MYLK: variants seen among roughly 807,000 people sequenced by gnomAD.
The protein encoded by MYLK is myosin light chain kinase.
In MYLK, 106 loss-of-function variants were observed where a neutral mutation model predicts 203.4. The observed-to-expected ratio is 0.52, with a 90% CI of 0.45 to 0.61. The LOEUF is 0.61. Among genes scored for constraint, MYLK ranks in the 20% least tolerant of loss-of-function variants. The pLI is 0.00. For missense variants in MYLK, 2,072 were observed against 2,442.3 expected, an observed-to-expected ratio of 0.85 and a Z score of 3.20; for synonymous variants, 867 against 959.5, an observed-to-expected ratio of 0.90 and a Z score of 1.78.
At chr3:123,837,730 A>G (rs2066508050) in intron 2 of MYLK, among the ~76,000 whole-genome samples, 1 of 151,740 alleles carries the variant, frequency 6.6e-6, no homozygotes, top group Non-Finnish European at 1.5e-5. Context: ...AGGTTTCCCA[A>G]CCCTAGGCAA....
chr3:123,647,721 AT>A (rs36091148), intron 26 of MYLK, among the ~76,000 whole-genome samples: 465 of 145,104 alleles, frequency 3.2e-3, no homozygotes, highest in Middle Eastern at 7.2e-3. Context: ...ATCTTTAAAC[AT>A]TTTTTTTTTT....
intron 24 of MYLK, among the ~76,000 whole-genome samples, chr3:123,650,085 G>A (rs1210290699): frequency 6.6e-6 from 1 of 152,176 alleles, no homozygotes; most frequent in Non-Finnish European, 1.5e-5. Context: ...AGCACAGCAC[G>A]CCCACTTCAG....
intron 3 of MYLK, among the ~76,000 whole-genome samples, chr3:123,812,424 T>C (rs1318657209): frequency 6.6e-6 from 1 of 152,204 alleles, no homozygotes; most frequent in Non-Finnish European, 1.5e-5. Context: ...CATTAGCCCA[T>C]GCTTGCTCAG....
intron 20 of MYLK, among the ~76,000 whole-genome samples, chr3:123,677,914 T>C (rs1485931961): frequency 9.7e-6 from 1 of 103,264 alleles, no homozygotes; most frequent in African/African-American, 3.8e-5. Context: ...TATATATATA[T>C]ATATACACAC....
At position 123,623,935 on chromosome 3, in the gene MYLK, A is replaced by G. The variant is rs1037653480; in HGVS notation, c.5238+2883T>C. 2.6e-5 allele frequency: 4 copies of G among 152,292 alleles called. No individual in the cohort carries two copies. In the East Asian group the frequency reaches 7.7e-4, roughly 29 times the overall value. The allele number at this position is 152,292 out of a possible 1,614,324, so 9.4% of individuals were successfully genotyped here. On this transcript the variant is annotated intron_variant, in intron 31 of 33. Transcript: ENST00000360304. ...ATTTCCAAATGTCGCCATCTATACT[A>G]AAATATAAAATTAAGGTTCATTCTC...
chr3:123,879,026 A>G (rs770477927), intron 1 of MYLK, among the ~76,000 whole-genome samples: 12 of 152,158 alleles, frequency 7.9e-5, no homozygotes, highest in Non-Finnish European at 1.8e-4. Flanking sequence ...CTTCAGTCCA[A>G]TGCAAAGGTC....
At chr3:123,832,723 C>T (rs13323608) in intron 2 of MYLK, among the ~76,000 whole-genome samples, 1,965 of 152,200 alleles carry the variant, frequency 0.013, 45 homozygotes, top group African/African-American at 0.045. Context: ...AGCAACTTGG[C>T]ACCATCTTGG....
At chr3:123,663,682 C>G (rs916139039) in intron 23 of MYLK, among the ~76,000 whole-genome samples, 3 of 151,950 alleles carry the variant, frequency 2.0e-5, no homozygotes, top group Admixed American at 2.0e-4. Flanking sequence ...TTGGTGGGAC[C>G]AAGGTGGGCC....
chr3:123,748,894 C>T (rs2063103519), intron 5 of MYLK, among the ~76,000 whole-genome samples: 1 of 152,048 alleles, frequency 6.6e-6, no homozygotes, highest in Admixed American at 6.6e-5. Flanking sequence ...CATGGTGAGG[C>T]CCCATCTCTA....
chr3:123,700,728 C>G lies in MYLK; in HGVS notation c.2740G>C (p.Asp914His), dbSNP rs561148360. 1 of 1,614,158 alleles carries G rather than the reference C, an allele frequency of 6.2e-7. No homozygotes were observed. The highest frequency in any genetic ancestry group is 8.5e-7 in the Non-Finnish European group (1 of 1,180,038). Residue 914 changes from aspartate to histidine, a missense_variant, in exon 18 of 34, where the codon GAC becomes CAC. Physicochemically the swap from Asp to His is moderately conservative, Grantham distance 81 (BLOSUM62 -1). This residue lies in a region of MYLK where 865 missense variants were observed against 1,016.0 expected (regional missense o/e 0.85). Coordinates refer to ENST00000360304, the MANE Select transcript of MYLK (RefSeq NM_053025.4). Reference sequence around the variant, plus strand: ...TGCTCGGCTGGGATCTCCTTCAGGTCGTCTTCCGATAGGGTCTTTGTACTC... The same window carrying G: ...TGCTCGGCTGGGATCTCCTTCAGGTGGTCTTCCGATAGGGTCTTTGTACTC... ...KVSTKTLSEDDLKEIPAEQMD... is the reference protein window; with the variant it reads ...KVSTKTLSEDHLKEIPAEQMD...
rs148587624 is a variant in MYLK, at chr3:123,776,708, T to G, written c.165+16969A>C. On this transcript the variant is annotated intron_variant, in intron 4 of 33. Transcript: ENST00000360304. The stretch of plus-strand genomic sequence containing the variant: ...GACTAAAAGTTACTGAGCACTTATA[T>G]TACATATGCAGCAAAGATATTTCAC... Among the ~76,000 whole-genome samples the G allele has an allele frequency of 6.2e-4, 95 of 152,366 alleles. No homozygotes were observed. The Middle Eastern group carries it at 0.01, about 16-fold the overall frequency.
chr3:123,705,202 A>C (rs1320362266), intron 16 of MYLK, among the ~76,000 whole-genome samples: 1 of 151,572 alleles, frequency 6.6e-6, no homozygotes. Context: ...CTCTACGTCT[A>C]GGTTGCTGGA....
At chr3:123,721,127 G>A (rs1330010013) in intron 13 of MYLK, among the ~76,000 whole-genome samples, 3 of 152,206 alleles carry the variant, frequency 2.0e-5, no homozygotes, top group African/African-American at 7.2e-5. Context: ...ATTTAACACA[G>A]TAAGCCACAA....
rs1426123496 is a variant in MYLK, at chr3:123,612,965, A to G, written c.*1140T>C. ...TAGTGAAAGAAAGTTAAAAATTCCT[A>G]AAGACGCAAGTCTGAGTGCATTTAC... is the stretch of plus-strand genomic sequence containing the variant. On this transcript the variant is annotated 3_prime_UTR_variant, in exon 34 of 34. Coordinates refer to ENST00000360304, the MANE Select transcript of MYLK (RefSeq NM_053025.4). The G allele has an allele frequency of 6.5e-6, 1 of 152,674 alleles. No individual in the cohort carries two copies. The highest frequency in any genetic ancestry group is 2.4e-5 in the African/African-American group (1 of 41,458). 9.5% of individuals were successfully genotyped at this position (152,674 alleles called of 1,614,324 possible). A position where few individuals can be genotyped will look rare whatever the true frequency, so the allele number is the denominator to read the frequency against.
chr3:123,845,760 C>T (rs921156096), intron 2 of MYLK, among the ~76,000 whole-genome samples: 1 of 152,136 alleles, frequency 6.6e-6, no homozygotes, highest in Non-Finnish European at 1.5e-5. Context: ...CTCAAGCAAT[C>T]CACCCATCTC....
At chr3:123,625,767 A>T (rs1046249256) in intron 31 of MYLK, among the ~76,000 whole-genome samples, 1 of 150,966 alleles carries the variant, frequency 6.6e-6, no homozygotes, top group Non-Finnish European at 1.5e-5. Context: ...AGATCGTGCC[A>T]CTGTACTCCA....
At chr3:123,772,830 TAAAG>T (rs1326852537) in intron 4 of MYLK, among the ~76,000 whole-genome samples, 2 of 151,986 alleles carry the variant, frequency 1.3e-5, no homozygotes, top group Non-Finnish European at 2.9e-5. Context: ...TGTTAATAGG[TAAAG>T]TGATAACTAG....
intron 20 of MYLK, 107 bp from the exon 21 acceptor site, chr3:123,667,294 G>A: frequency 9.2e-7 from 1 of 1,085,922 alleles, no homozygotes. Context: ...ATCCAGGGAG[G>A]ACTCTTATTT....
At position 123,666,242 on chromosome 3, in the gene MYLK, T is replaced by C; in HGVS notation, c.3808A>G (p.Thr1270Ala). ...KVTGTQPITC[T>A]WMKFRKQIQE... The stretch of plus-strand genomic sequence containing the variant: ...ACCTGCTTTCGGAACTTCATCCAGG[T>C]ACAGGTGATGGGCTGAGTGCCTGTC... The change falls in exon 22 of 34, where the codon ACC becomes GCC. Residue 1270 changes from threonine to alanine, a missense_variant. Coordinates refer to ENST00000360304, the MANE Select transcript of MYLK (RefSeq NM_053025.4). 1 of 1,614,184 alleles carries C rather than the reference T, an allele frequency of 6.2e-7. No homozygotes were observed. Among genetic ancestry groups the C allele is most frequent in the South Asian group, 1.1e-5 (1 of 91,086 alleles).
Sources: gnomAD v4.1 joint callset for allele counts (sites outside exome capture counted in the v4.1 genomes callset) on GRCh38, gnomAD v4.1.1 for gene constraint, gnomAD v4.1.1 regional missense constraint, MANE v1.5 for transcripts, NCBI Gene and HGNC (gene_info 2026-07-23, HGNC 2026-07-21) for gene names.